Variants in COL5A2 observed in about 807,000 individuals in gnomAD.
The protein encoded by COL5A2 is collagen alpha-2(V) chain.
COL5A2 carries 23 observed loss-of-function variants against 208.2 expected under a neutral mutation model. The ratio of observed to expected loss-of-function variants is 0.11; its 90% CI spans 0.08 to 0.16. The LOEUF (loss-of-function observed/expected upper bound fraction) is 0.16. Among genes scored for constraint, COL5A2 ranks in the 10% least tolerant of loss-of-function variants. The probability of loss-of-function intolerance (pLI) is 1.00; values close to 1 mark genes in which losing one functional copy is unlikely to be tolerated. For synonymous variants in COL5A2, 625 were observed against 628.5 expected, an observed-to-expected ratio of 0.99 and a Z score of 0.08; for missense variants, 1,590 against 1,956.4, an observed-to-expected ratio of 0.81 and a Z score of 3.53.
At chr2:189,109,783 T>C (rs1687224356) in intron 2 of COL5A2, among the ~76,000 whole-genome samples, 4 of 152,216 alleles carry the variant, frequency 2.6e-5, no homozygotes, top group Admixed American at 2.6e-4. Context: ...TAATACAGGG[T>C]GCTGTGGCAC....
the COL5A2 span, among the ~76,000 whole-genome samples, chr2:189,294,382 C>A: frequency 6.6e-6 from 1 of 152,132 alleles, no homozygotes; most frequent in Non-Finnish European, 1.5e-5. Flanking sequence ...TATAATGAGG[C>A]AGAAACAGTC....
At chr2:189,103,496 T>G (rs1040276940) in intron 3 of COL5A2, among the ~76,000 whole-genome samples, 1 of 152,090 alleles carries the variant, frequency 6.6e-6, no homozygotes, top group Non-Finnish European at 1.5e-5. Flanking sequence ...TTCTACTGCC[T>G]TGATCCCTGT....
In COL5A2 at chr2:189,048,266, T is replaced by C. The variant is rs762744212; in HGVS notation, c.3148-4A>G. 1 of 1,613,812 alleles carries C rather than the reference T, an allele frequency of 6.2e-7. No homozygotes were observed. The highest frequency in any genetic ancestry group is 1.1e-5 in the South Asian group (1 of 91,082). On this transcript the variant is annotated splice_region_variant and splice_polypyrimidine_tract_variant and intron_variant, in intron 44 of 53. Coordinates refer to ENST00000374866, the MANE Select transcript of COL5A2 (RefSeq NM_000393.5). ...TACCATCATTGCCAGCTGGACCCTA[T>C]AAAGAATAATGGTTTGAAAAACTAC...
At chr2:189,385,015 T>C in the COL5A2 span, among the ~76,000 whole-genome samples, 1 of 152,306 alleles carries the variant, frequency 6.6e-6, no homozygotes, top group South Asian at 2.1e-4. Context: ...ATATTTTCTT[T>C]AGACTTTTTA....
At chr2:189,254,965 T>C in the COL5A2 span, among the ~76,000 whole-genome samples, 2 of 152,230 alleles carry the variant, frequency 1.3e-5, no homozygotes, top group Admixed American at 1.3e-4. Context: ...GTTATATTTA[T>C]TCATCAGACA....
chr2:189,136,632 T>C (rs888776885), intron 1 of COL5A2, among the ~76,000 whole-genome samples: 2 of 151,330 alleles, frequency 1.3e-5, no homozygotes, highest in Non-Finnish European at 3.0e-5. Context: ...AATAATACAA[T>C]GATATGGAGA....
chr2:189,423,399 T>G, the COL5A2 span, among the ~76,000 whole-genome samples: 2 of 149,752 alleles, frequency 1.3e-5, no homozygotes, highest in South Asian at 2.1e-4. Context: ...AGAAAAGAAA[T>G]AAATGAAATA....
At chr2:189,126,677 A>G (rs1266876050) in intron 1 of COL5A2, among the ~76,000 whole-genome samples, 1 of 152,128 alleles carries the variant, frequency 6.6e-6, no homozygotes, top group Non-Finnish European at 1.5e-5. Context: ...CAAGGGACTA[A>G]TAACAGCATA....
At chr2:189,069,998 A>G (rs1349222665) in intron 18 of COL5A2, among the ~76,000 whole-genome samples, 17 of 152,224 alleles carry the variant, frequency 1.1e-4, no homozygotes. Flanking sequence ...TGCAACATTA[A>G]GAGCAGAGTG....
At chr2:189,407,751 T>C in the COL5A2 span, among the ~76,000 whole-genome samples, 2 of 152,192 alleles carry the variant, frequency 1.3e-5, no homozygotes, top group African/African-American at 4.8e-5. Context: ...CTTGCAGGAA[T>C]ACTGCAGCAA....
At chr2:189,230,206 C>G (rs1381230932), upstream of COL5A2, among the ~76,000 whole-genome samples, 1 of 151,700 alleles carries the variant, frequency 6.6e-6, no homozygotes, top group African/African-American at 2.4e-5. Flanking sequence ...AAACACAATA[C>G]CTGAAACTAT....
At chr2:189,322,157 C>A in the COL5A2 span, among the ~76,000 whole-genome samples, 2 of 152,194 alleles carry the variant, frequency 1.3e-5, no homozygotes, top group African/African-American at 4.8e-5. Context: ...ATACCAGAAT[C>A]TCTGGGACAC....
chr2:189,151,578 C>T (rs2105787808), intron 1 of COL5A2, among the ~76,000 whole-genome samples: 1 of 152,226 alleles, frequency 6.6e-6, no homozygotes, highest in Middle Eastern at 3.4e-3. Flanking sequence ...CTATACAATT[C>T]ATTTCAGTTA....
the COL5A2 span, among the ~76,000 whole-genome samples, chr2:189,337,960 A>C: frequency 6.6e-6 from 1 of 152,244 alleles, no homozygotes; most frequent in Non-Finnish European, 1.5e-5. Flanking sequence ...GTTGTTCTTA[A>C]GCAACTTGGC....
the COL5A2 span, among the ~76,000 whole-genome samples, chr2:189,405,761 C>T: frequency 6.6e-6 from 1 of 152,106 alleles, no homozygotes; most frequent in East Asian, 1.9e-4. Context: ...GCATGTGAGA[C>T]CAGAATGAAT....
In COL5A2 at chr2:189,179,607, C is replaced by G; in HGVS notation, c.-3G>C. On this transcript the variant is annotated 5_prime_UTR_variant, in exon 1 of 54. An upstream open reading frame in the 5' UTR loses its in-frame stop. Coordinates refer to ENST00000374866, the MANE Select transcript of COL5A2 (RefSeq NM_000393.5). ...GCTTCCGCCCAGTTTGCCATCATGT[C>G]TAAATATTAGACATGTGGGTTCTCC... is the stretch of plus-strand genomic sequence containing the variant. The G allele has an allele frequency of 6.2e-7, 1 of 1,600,998 alleles. No homozygotes were observed. Among genetic ancestry groups the G allele is most frequent in the Non-Finnish European group, 8.5e-7 (1 of 1,171,892 alleles).
intron 7 of COL5A2, among the ~76,000 whole-genome samples, chr2:189,089,572 A>T (rs1476369206): frequency 6.6e-6 from 1 of 152,134 alleles, no homozygotes; most frequent in Non-Finnish European, 1.5e-5. Context: ...GGCATGCCTC[A>T]TTTTACTGTG....
At chr2:189,190,038 T>C (rs891453504) in intron 1 of COL5A2, among the ~76,000 whole-genome samples, 23 of 152,144 alleles carry the variant, frequency 1.5e-4, no homozygotes, top group Non-Finnish European at 2.9e-5. Flanking sequence ...AATTATTGCA[T>C]CTACATAAAT....
intron 9 of COL5A2, among the ~76,000 whole-genome samples, chr2:189,086,241 TA>T (rs2105651690): frequency 6.6e-6 from 1 of 152,302 alleles, no homozygotes; most frequent in African/African-American, 2.4e-5. Context: ...CTATAATAAA[TA>T]AAAATAGTTC....
Sources: allele counts gnomAD v4.1 joint callset (sites outside exome capture counted in the v4.1 genomes callset), GRCh38; gene constraint gnomAD v4.1.1; transcripts MANE v1.5; gene names NCBI Gene and HGNC (gene_info 2026-07-23, HGNC 2026-07-21).